GPR173: variants seen among roughly 807,000 people sequenced by gnomAD.
GPR173 encodes probable G protein-coupled receptor 173.
Under a neutral mutation model 13.9 loss-of-function variants are expected in GPR173, and 2 were observed. That is an observed-to-expected ratio of 0.14 (90% confidence interval 0.06 to 0.45). The LOEUF is 0.45. Ranked by LOEUF, GPR173 falls within the 20% of genes least tolerant of loss-of-function variation. The pLI, the probability that GPR173 is intolerant of heterozygous loss-of-function variation, is 0.98. For missense variants in GPR173, 202 were observed against 340.5 expected (o/e 0.59, Z 3.20); for synonymous variants, 131 against 141.0 (o/e 0.93, Z 0.50).
At chrX:53,071,728 T>C (rs1203891275) in intron 1 of GPR173, among the ~76,000 whole-genome samples, 1 of 112,161 alleles carries the variant, frequency 8.9e-6, no homozygotes, top group Non-Finnish European at 1.9e-5. Context: ...AACGCCTTTG[T>C]TGAGGACGAA....
At chrX:53,051,259 G>A (rs907162137) in intron 1 of GPR173, among the ~76,000 whole-genome samples, 7 of 108,948 alleles carry the variant, frequency 6.4e-5, no homozygotes, top group Non-Finnish European at 1.1e-4. Flanking sequence ...GTGTGGGGTC[G>A]GTGGCCAAGG....
intron 1 of GPR173, among the ~76,000 whole-genome samples, chrX:53,070,395 C>G (rs1932241728): frequency 9.0e-6 from 1 of 111,706 alleles, no homozygotes; most frequent in African/African-American, 3.3e-5. Flanking sequence ...TCAGCCCTCT[C>G]ATATCCAGTG....
intron 1 of GPR173, among the ~76,000 whole-genome samples, chrX:53,061,619 AT>A (rs1266761549): frequency 5.4e-5 from 6 of 111,678 alleles, no homozygotes; most frequent in Non-Finnish European, 1.1e-4. Context: ...AATTTCTTAC[AT>A]TTTCCTCATA....
Position 53,071,340 on chromosome X carries a change from A to G in GPR173, c.-97-5185A>G, listed in dbSNP as rs1045809494. ...GGGAAACATCAGAGGCAGGACGTGC[A>G]GGAAAATGACAGGCACAGGCCTTGG... is the stretch of plus-strand genomic sequence containing the variant. On this transcript the variant is annotated intron_variant, in intron 1 of 1. Coordinates refer to ENST00000332582, the MANE Select transcript of GPR173 (RefSeq NM_018969.6). Among the ~76,000 whole-genome samples the G allele has an allele frequency of 5.3e-5, 6 of 112,346 alleles. No homozygotes were observed. In the East Asian group the frequency reaches 8.3e-4, roughly 16 times the overall value.
intron 1 of GPR173, among the ~76,000 whole-genome samples, chrX:53,051,952 T>C (rs782234060): frequency 1.1e-4 from 12 of 111,123 alleles, no homozygotes; most frequent in African/African-American, 3.9e-4. Flanking sequence ...TATATGAGTG[T>C]ATCTGTCCTG....
intron 1 of GPR173, among the ~76,000 whole-genome samples, chrX:53,068,139 T>C (rs1375138891): frequency 9.0e-6 from 1 of 111,571 alleles, no homozygotes; most frequent in African/African-American, 3.3e-5. Flanking sequence ...TTCAGAATAC[T>C]GGGAGTGAGG....
In GPR173 at chrX:53,079,602, T is replaced by TGTGTGC. The variant is rs1556806340; in HGVS notation, c.*1862_*1863insTGCGTG. The TGTGTGC allele has an allele frequency of 2.5e-5, 3 of 120,821 alleles. No individual in the cohort carries two copies. The highest frequency in any genetic ancestry group is 9.9e-5 in the African/African-American group (3 of 30,303). The allele number at this position is 120,821 out of a possible 1,213,427, so 10.0% of individuals were successfully genotyped here. On this transcript the variant is annotated 3_prime_UTR_variant, in exon 2 of 2. Coordinates refer to ENST00000332582, the MANE Select transcript of GPR173 (RefSeq NM_018969.6). Reference sequence around the variant, plus strand: ...TTCTCTTTCTGACTGTGTGTGTGTGTGTGCGTGCGTGCGTGCATGTGCCCT... The same window carrying TGTGTGC: ...TTCTCTTTCTGACTGTGTGTGTGTGTGTGTGCGTGCGTGCGTGCGTGCATGTGCCCT...
intron 1 of GPR173, chrX:53,065,492 C>T (rs781967148): frequency 3.6e-4 from 40 of 111,991 alleles, no homozygotes; most frequent in African/African-American, 1.2e-3. Context: ...ACTGCTTATT[C>T]GTGCCTTCCT....
Position 53,078,006 on chromosome X carries a change from C to CTCTCTCTCTCTG in GPR173, c.*275_*286dup, listed in dbSNP as rs1199142924. 8.6e-6 allele frequency: 3 copies of CTCTCTCTCTCTG among 350,436 alleles called. No individual in the cohort carries two copies. In the African/African-American group the frequency reaches 1.1e-4, roughly 12 times the overall value. 28.9% of individuals were successfully genotyped at this position (350,436 alleles called of 1,213,427 possible). On this transcript the variant is annotated 3_prime_UTR_variant, in exon 2 of 2. Transcript: ENST00000332582. ...CCACTTCTACAATCTCATTCTCTCT[C>CTCTCTCTCTCTG]TCTCTCTCTCTGTCTCTCTCTCTCT...
chrX:53,077,038 A>T lies in GPR173; in HGVS notation c.417A>T (p.Thr139=), dbSNP rs782104073. ...ACGCCAAGCGCATGACACTCTGGAC[A>T]TGCGCGGCTGTCATCTGCATGGCCT... The part of the protein sequence containing the change: ...RFYAKRMTLW[T]CAAVICMAWT... Residue 139 remains threonine, a synonymous_variant, in exon 2 of 2, where the codon ACA becomes ACT. Transcript: ENST00000332582. 2 of 1,210,321 alleles carry T rather than the reference A, an allele frequency of 1.7e-6. No individual in the cohort carries two copies. The highest frequency in any genetic ancestry group is 2.2e-6 in the Non-Finnish European group (2 of 894,716).
At chrX:53,054,138 G>GTATGTGTGTA (rs1359515128) in intron 1 of GPR173, among the ~76,000 whole-genome samples, 3 of 96,382 alleles carry the variant, frequency 3.1e-5, no homozygotes, top group African/African-American at 1.4e-4. Flanking sequence ...TCTTAATAGA[G>GTATGTGTGTA]TGTGTGTGTA....
At chrX:53,052,275 C>T (rs1482172951) in intron 1 of GPR173, among the ~76,000 whole-genome samples, 3 of 111,203 alleles carry the variant, frequency 2.7e-5, no homozygotes, top group African/African-American at 9.8e-5. Context: ...CAAAAACACA[C>T]ACACACGCAA....
chrX:53,050,606 A>G (rs782047737), intron 1 of GPR173, among the ~76,000 whole-genome samples: 19 of 112,296 alleles, frequency 1.7e-4, no homozygotes, highest in East Asian at 1.7e-3. Flanking sequence ...GAGTTGGTGC[A>G]TGTAAGTAAG....
intron 1 of GPR173, among the ~76,000 whole-genome samples, chrX:53,073,974 T>TATGTATATTTATATATA (rs1556805228): frequency 3.2e-5 from 1 of 31,679 alleles, no homozygotes; most frequent in Admixed American, 5.4e-4. Context: ...AATATATATT[T>TATGTATATTTATATATA]ATATTTATAT....
In GPR173 at chrX:53,078,582, GC is replaced by G. The variant is rs1308279310; in HGVS notation, c.*844del. 8.2e-6 allele frequency: 1 copy of G among 122,520 alleles called. No homozygotes were observed. Among genetic ancestry groups the G allele is most frequent in the East Asian group, 2.8e-4 (1 of 3,536 alleles). 10.1% of individuals were successfully genotyped at this position (122,520 alleles called of 1,213,427 possible). A position where few individuals can be genotyped will look rare whatever the true frequency, so the allele number is the denominator to read the frequency against. On this transcript the variant is annotated 3_prime_UTR_variant, in exon 2 of 2. Coordinates refer to ENST00000332582, the MANE Select transcript of GPR173 (RefSeq NM_018969.6). The stretch of plus-strand genomic sequence containing the variant: ...TCTCACGCTGCCTTCAGGATCCCCA[GC>G]CCCCAACTCTTCTTCCTGAGGATGG...
At chrX:53,049,935 G>GGTGTGTGTGTGT (rs782209160) in intron 1 of GPR173, among the ~76,000 whole-genome samples, 4 of 93,011 alleles carry the variant, frequency 4.3e-5, no homozygotes, top group East Asian at 3.3e-4. Context: ...CTGCTGGCCG[G>GGTGTGTGTGTGT]GTGTGTGTGT....
intron 1 of GPR173, among the ~76,000 whole-genome samples, chrX:53,075,317 C>G (rs1438983296): frequency 1.9e-5 from 2 of 106,902 alleles, no homozygotes; most frequent in Non-Finnish European, 3.8e-5. Flanking sequence ...CCCTGTCCAC[C>G]TCATCTAAAA....
At chrX:53,074,694 A>AAT (rs1176219375) in intron 1 of GPR173, among the ~76,000 whole-genome samples, 2 of 84,502 alleles carry the variant, frequency 2.4e-5, no homozygotes, top group African/African-American at 5.3e-5. Flanking sequence ...ATTATAAATA[A>AAT]ATATATAAAT....
chrX:53,066,062 TGCACTCCA>T (rs1388527203), intron 1 of GPR173, among the ~76,000 whole-genome samples: 3 of 111,939 alleles, frequency 2.7e-5, no homozygotes, highest in Non-Finnish European at 3.8e-5. Context: ...ATCACCTCAC[TGCACTCCA>T]GCCTGGGTGA....
Sources: gnomAD v4.1 joint callset for allele counts (sites outside exome capture counted in the v4.1 genomes callset) on GRCh38, gnomAD v4.1.1 for gene constraint, MANE v1.5 for transcripts, NCBI Gene and HGNC (gene_info 2026-07-23, HGNC 2026-07-21) for gene names.